Variants in PEG3 observed in about 807,000 individuals in gnomAD.
PEG3 encodes paternally-expressed gene 3 protein.
Under a neutral mutation model 35.5 loss-of-function variants are expected in PEG3, and 23 were observed. The ratio of observed to expected loss-of-function variants is 0.65; its 90% CI spans 0.47 to 0.92. The LOEUF is 0.92. Among genes scored for constraint, PEG3 ranks in the 40% least tolerant of loss-of-function variants. PEG3 has a pLI of 0.00. For missense variants in PEG3, 1,960 were observed against 1,985.3 expected (o/e 0.99, Z 0.24); for synonymous variants, 707 against 697.0 (o/e 1.01, Z -0.23).
intron 6 of PEG3, chr19:56,822,442 T>C: frequency 3.2e-6 from 1 of 315,754 alleles, no homozygotes; most frequent in East Asian, 6.0e-5. Context: ...CTATGGCACT[T>C]CATACTAGTT....
rs1482604491 is a variant in PEG3, at chr19:56,812,608, A to G, written c.*1067T>C. 3 of 985,702 alleles carry G rather than the reference A, an allele frequency of 3.0e-6. No individual in the cohort carries two copies. The East Asian group carries it at 3.4e-4, about 112-fold the overall frequency. 61.1% of individuals were successfully genotyped at this position (985,702 alleles called of 1,614,324 possible). On this transcript the variant is annotated 3_prime_UTR_variant, in exon 10 of 10. Transcript: ENST00000326441. The stretch of plus-strand genomic sequence containing the variant: ...CATGTTGCTACTTGTCACTTAAGGC[A>G]GGAAGCGCACAAAGGAAGTGATGAA...
Position 56,821,725 on chromosome 19 carries a change from C to G in PEG3, c.595G>C (p.Val199Leu), listed in dbSNP as rs1373584900. The change falls in exon 7 of 10, where the codon GTG becomes CTG. Residue 199 changes from valine to leucine, a missense_variant. Around this residue, in one of 5 missense-constraint regions of PEG3, gnomAD observed 613 missense variants for 577.1 expected, o/e 1.06. Transcript: ENST00000326441. ...ATTTCAAAGCTTGTTTTCGCCACCA[C>G]AGGAAGGGAAAGATCCCGCGGAGGC... is the stretch of plus-strand genomic sequence containing the variant. ...RMPPRDLSLP[V>L]VAKTSFEMDR... is the part of the protein sequence containing the mutation. The G allele has an allele frequency of 6.2e-7, 1 of 1,613,982 alleles. No individual in the cohort carries two copies. The highest frequency in any genetic ancestry group is 1.1e-5 in the South Asian group (1 of 91,078).
Position 56,821,711 on chromosome 19 carries a change from T to C in PEG3, c.609A>G (p.Thr203=). The change falls in exon 7 of 10, where the codon ACA becomes ACG. Residue 203 remains threonine (T), a synonymous_variant. Transcript: ENST00000326441. ...RDLSLPVVAK[T]SFEMDREDDR... ...CGTCCTCTCTGTCCATTTCAAAGCTTGTTTTCGCCACCACAGGAAGGGAAA... is the reference window on the plus strand; with the variant it reads ...CGTCCTCTCTGTCCATTTCAAAGCTCGTTTTCGCCACCACAGGAAGGGAAA... 1 of 1,613,974 alleles carries C rather than the reference T, an allele frequency of 6.2e-7. No homozygotes were observed. The highest frequency in any genetic ancestry group is 8.5e-7 in the Non-Finnish European group (1 of 1,180,010).
Position 56,810,343 on chromosome 19 carries a change from T to A in PEG3, c.*3332A>T. On this transcript the variant is annotated 3_prime_UTR_variant, in exon 10 of 10. Coordinates refer to ENST00000326441, the MANE Select transcript of PEG3 (RefSeq NM_006210.3). ...CTACCAAAACACTAGAATGATGACCTTTCAAGGAAACCGAAACAAAATAAC... is the reference window on the plus strand; with the variant it reads ...CTACCAAAACACTAGAATGATGACCATTCAAGGAAACCGAAACAAAATAAC... 1 of 985,292 alleles carries A rather than the reference T, an allele frequency of 1.0e-6. No homozygotes were observed. Among genetic ancestry groups the A allele is most frequent in the Non-Finnish European group, 1.2e-6 (1 of 829,820 alleles). 61.0% of individuals were successfully genotyped at this position (985,292 alleles called of 1,614,324 possible). A position where few individuals can be genotyped will look rare whatever the true frequency, so the allele number is the denominator to read the frequency against.
Position 56,814,899 on chromosome 19 carries a change from A to G in PEG3, c.3543T>C (p.His1181=). 6.2e-7 allele frequency: 1 copy of G among 1,614,176 alleles called. No homozygotes were observed. The highest frequency in any genetic ancestry group is 8.5e-7 in the Non-Finnish European group (1 of 1,180,038). Residue 1181 remains histidine, a synonymous_variant, in exon 10 of 10, where the codon CAT becomes CAC. Coordinates refer to ENST00000326441, the MANE Select transcript of PEG3 (RefSeq NM_006210.3). This position sits in a 1 kb window ranked among gnomAD's most constrained non-coding sequence, Gnocchi z 5.8. ...SFIHSSFLFE[H]QRIHEQDQLY... ...ACTGGTCTTGTTCATGGATTCTCTGATGCTCGAAAAGGAATGAGCTATGAA... is the reference window on the plus strand; with the variant it reads ...ACTGGTCTTGTTCATGGATTCTCTGGTGCTCGAAAAGGAATGAGCTATGAA...
chr19:56,823,402 G>A (rs112247074), intron 5 of PEG3, among the ~76,000 whole-genome samples, 191 bp downstream of exon 5: 19 of 152,128 alleles, frequency 1.2e-4, no homozygotes, highest in African/African-American at 3.9e-4. Flanking sequence ...AGTATTTAAG[G>A]TGTCTGTTTA....
Position 56,813,080 on chromosome 19 carries a change from G to A in PEG3, c.*595C>T. 1 of 985,086 alleles carries A rather than the reference G, an allele frequency of 1.0e-6. No homozygotes were observed. The highest frequency in any genetic ancestry group is 1.2e-6 in the Non-Finnish European group (1 of 829,706). 61.0% of individuals were successfully genotyped at this position (985,086 alleles called of 1,614,324 possible). ...CTACAGCTTCACAAGACTATTTAAGGGTAAGAAACAAAACAATTACTCAAA... is the reference window on the plus strand; with the variant it reads ...CTACAGCTTCACAAGACTATTTAAGAGTAAGAAACAAAACAATTACTCAAA... On this transcript the variant is annotated 3_prime_UTR_variant, in exon 10 of 10. Transcript: ENST00000326441.
intron 2 of PEG3, chr19:56,833,401 C>T (rs1371993951): frequency 2.9e-6 from 1 of 343,562 alleles, no homozygotes; most frequent in Non-Finnish European, 5.7e-6. Flanking sequence ...TTCTTGTTTG[C>T]TCCATTCTCC....
intron 4 of PEG3, among the ~76,000 whole-genome samples, 169 bp downstream of exon 4, chr19:56,824,093 C>T (rs1281326739): frequency 1.3e-5 from 2 of 152,126 alleles, no homozygotes; most frequent in Non-Finnish European, 2.9e-5. Context: ...GGTGGCCACA[C>T]CCAGAAAATC....
Position 56,810,946 on chromosome 19 carries a change from TAAAGTG to T in PEG3, c.*2723_*2728del, listed in dbSNP as rs2059497639. 2.1e-6 allele frequency: 2 copies of T among 970,610 alleles called. No individual in the cohort carries two copies. Among genetic ancestry groups the T allele is most frequent in the African/African-American group, 1.8e-5 (1 of 56,920 alleles). The allele number at this position is 970,610 out of a possible 1,614,324, so 60.1% of individuals were successfully genotyped here. A position where few individuals can be genotyped will look rare whatever the true frequency, so the allele number is the denominator to read the frequency against. On this transcript the variant is annotated 3_prime_UTR_variant, in exon 10 of 10. Coordinates refer to ENST00000326441, the MANE Select transcript of PEG3 (RefSeq NM_006210.3). The stretch of plus-strand genomic sequence containing the variant: ...TATTATAGGGAACATTTGAAAAAAT[TAAAGTG>T]AAAGTATTTAACCATAATTCCACAA...
At chr19:56,823,413 G>C (rs981304920) in intron 5 of PEG3, among the ~76,000 whole-genome samples, 180 bp downstream of exon 5, 9 of 152,158 alleles carry the variant, frequency 5.9e-5, no homozygotes, top group Admixed American at 5.9e-4. Context: ...TGTCTGTTTA[G>C]ATATAAAAAT....
chr19:56,824,502 G>C lies in PEG3; in HGVS notation c.154C>G (p.Leu52Val). 6.2e-7 allele frequency: 1 copy of C among 1,614,048 alleles called. No homozygotes were observed. The highest frequency in any genetic ancestry group is 8.5e-7 in the Non-Finnish European group (1 of 1,180,034). ...GGCCCAACAAATTCCACATAGATTA[G>C]GTTCCGAAACCTCTGATGAAAAAAC... ...SEFFHQRFRN[L>V]IYVEFVGPRK... The change falls in exon 4 of 10, where the codon CTA becomes GTA. Residue 52 changes from leucine to valine, a missense_variant. Transcript: ENST00000326441.
chr19:56,816,522 T>A lies in PEG3; in HGVS notation c.1920A>T (p.Ser640=). The A allele has an allele frequency of 6.2e-7, 1 of 1,613,602 alleles. No homozygotes were observed. The highest frequency in any genetic ancestry group is 8.5e-7 in the Non-Finnish European group (1 of 1,179,644). ...KVCGETFLHS[S]SLKEHQKIHT... is the part of the protein sequence containing the mutation. ...GGATTTTCTGATGTTCTTTCAGGGA[T>A]GAGCTATGAAGGAAAGTCTCCCCAC... is the stretch of plus-strand genomic sequence containing the variant. The change falls in exon 10 of 10, where the codon TCA becomes TCT. Residue 640 remains serine (S), a synonymous_variant. Coordinates refer to ENST00000326441, the MANE Select transcript of PEG3 (RefSeq NM_006210.3).
chr19:56,813,986 C>T lies in PEG3; in HGVS notation c.4456G>A (p.Gly1486Arg), dbSNP rs759827815. The stretch of plus-strand genomic sequence containing the variant: ...TCACCTTCTTCTGGGTCTTCAATTC[C>T]CACACCGTCAGGCTCGTCGGCATCT... ...EGDADEPDGV[G>R]IEDPEEGEDQ... The change falls in exon 10 of 10, where the codon GGA becomes AGA. Residue 1486 changes from glycine (G) to arginine (R), a missense_variant. By Grantham distance (125) the Gly-to-Arg change is moderately radical. Coordinates refer to ENST00000326441, the MANE Select transcript of PEG3 (RefSeq NM_006210.3). 4 of 1,614,066 alleles carry T rather than the reference C, an allele frequency of 2.5e-6. No homozygotes were observed. Among genetic ancestry groups the T allele is most frequent in the Non-Finnish European group, 3.4e-6 (4 of 1,179,958 alleles).
chr19:56,835,361 A>G (rs1285139310), intron 2 of PEG3, among the ~76,000 whole-genome samples: 2 of 152,092 alleles, frequency 1.3e-5, no homozygotes, highest in African/African-American at 2.4e-5. Context: ...ATCAGATGCC[A>G]CTCAACGATT....
chr19:56,813,660 C>A lies in PEG3; in HGVS notation c.*15G>T, dbSNP rs770291543. ...AAGTCCTAGGTGAAGGTTTTCTAACCTTTACCCCATGCCCTCAGCCAGTGT... is the reference window on the plus strand; with the variant it reads ...AAGTCCTAGGTGAAGGTTTTCTAACATTTACCCCATGCCCTCAGCCAGTGT... On this transcript the variant is annotated 3_prime_UTR_variant, in exon 10 of 10. Coordinates refer to ENST00000326441, the MANE Select transcript of PEG3 (RefSeq NM_006210.3). 160 of 1,605,528 alleles carry A rather than the reference C, an allele frequency of 1.0e-4. No individual in the cohort carries two copies. Among genetic ancestry groups the A allele is most frequent in the Non-Finnish European group, 1.3e-4 (154 of 1,174,290 alleles).
At chr19:56,838,241 CACCACAGTGG>C (rs1195169701) in intron 1 of PEG3, among the ~76,000 whole-genome samples, 13 of 152,148 alleles carry the variant, frequency 8.5e-5, no homozygotes, top group African/African-American at 3.1e-4. Flanking sequence ...CCAAAGATTG[CACCACAGTGG>C]ACCAGGCTCG....
In PEG3 at chr19:56,812,980, A is replaced by G. The variant is rs892148935; in HGVS notation, c.*695T>C. On this transcript the variant is annotated 3_prime_UTR_variant, in exon 10 of 10. Coordinates refer to ENST00000326441, the MANE Select transcript of PEG3 (RefSeq NM_006210.3). ...AGGTTCCAAAGTGTTGGCGCAGATG[A>G]AATGGCTGCAGAAAGAAGCTAAAGT... 1 of 985,744 alleles carries G rather than the reference A, an allele frequency of 1.0e-6. No individual in the cohort carries two copies. The highest frequency in any genetic ancestry group is 6.1e-5 in the Admixed American group (1 of 16,268). The allele number at this position is 985,744 out of a possible 1,614,324, so 61.1% of individuals were successfully genotyped here.
In PEG3 at chr19:56,816,801, G is replaced by A; in HGVS notation, c.1641C>T (p.Ser547=). The part of the protein sequence containing the change: ...NQECEEAFMP[S]PTFSELQKIY... ...TTTTCTGAAGCTCACTAAAGGTGGG[G>A]CTAGGCATGAAGGCTTCCTCACATT... is the stretch of plus-strand genomic sequence containing the variant. The change falls in exon 10 of 10, where the codon AGC becomes AGT. Residue 547 remains serine (S), a synonymous_variant. Transcript: ENST00000326441. 6.2e-7 allele frequency: 1 copy of A among 1,614,092 alleles called. No individual in the cohort carries two copies. Among genetic ancestry groups the A allele is most frequent in the Non-Finnish European group, 8.5e-7 (1 of 1,179,978 alleles).
Sources: gnomAD v4.1 joint callset for allele counts (sites outside exome capture counted in the v4.1 genomes callset) on GRCh38, gnomAD v4.1.1 for gene constraint, gnomAD v4.1.1 regional missense constraint, Gnocchi (gnomAD v3.1) non-coding constraint, MANE v1.5 for transcripts, NCBI Gene and HGNC (gene_info 2026-07-23, HGNC 2026-07-21) for gene names.